The following BMPR1A variants were observed in gnomAD, a reference collection of about 807,000 sequenced individuals.
The protein encoded by BMPR1A is bone morphogenetic protein receptor type-1A.
BMPR1A carries 7 observed loss-of-function variants against 66.0 expected under a neutral mutation model. The ratio of observed to expected loss-of-function variants is 0.11; its 90% CI spans 0.06 to 0.20. The LOEUF is 0.20. Ranked by LOEUF, BMPR1A falls within the 10% of genes least tolerant of loss-of-function variation. BMPR1A has a pLI of 1.00. For missense variants in BMPR1A, 408 were observed against 669.1 expected (o/e 0.61, Z 4.31); for synonymous variants, 200 against 229.7 (o/e 0.87, Z 1.17).
intron 1 of BMPR1A, among the ~76,000 whole-genome samples, chr10:86,766,603 A>G (rs1841166189): frequency 6.7e-6 from 1 of 148,416 alleles, no homozygotes; most frequent in Non-Finnish European, 1.5e-5. Context: ...TCCTCCCAAC[A>G]TAATCATATC....
At chr10:86,909,600 A>G (rs975720665) in intron 7 of BMPR1A, among the ~76,000 whole-genome samples, 1 of 139,078 alleles carries the variant, frequency 7.2e-6, no homozygotes, top group Non-Finnish European at 1.5e-5. Context: ...AAAAAAAAAG[A>G]AAAAAAAGAA....
rs1309900874 is a variant in BMPR1A at position 86,887,616 on chromosome 10, G to A, written c.68-2446G>A. ...GTAACTTATCTGTGCCCGTAACTGCGACTTGAACCCTTCACTTCTTGCTGT... is the reference window on the plus strand; with the variant it reads ...GTAACTTATCTGTGCCCGTAACTGCAACTTGAACCCTTCACTTCTTGCTGT... On this transcript the variant is annotated intron_variant, in intron 3 of 12. Transcript: ENST00000372037. Among the ~76,000 whole-genome samples, 14 of 152,218 alleles carry A rather than the reference G, an allele frequency of 9.2e-5. 1 individual carries two copies. In the South Asian group the frequency reaches 1.9e-3, roughly 20 times the overall value.
Position 86,866,860 on chromosome 10 carries a change from A to T in BMPR1A, c.-152-9007A>T, listed in dbSNP as rs939935224. On this transcript the variant is annotated intron_variant, in intron 2 of 12. Coordinates refer to ENST00000372037, the MANE Select transcript of BMPR1A (RefSeq NM_004329.3). ...TTTGTCATATATACTAGCTACATGG[A>T]ATTCAGCAAGTTATTTATCTCCTTG... is the stretch of plus-strand genomic sequence containing the variant. Among the ~76,000 whole-genome samples the T allele has an allele frequency of 7.1e-4, 108 of 152,150 alleles. 4 individuals are homozygous for T. Among genetic ancestry groups the T allele is most frequent in the Non-Finnish European group, 1.5e-5 (1 of 68,028 alleles).
chr10:86,852,551 G>A (rs991096562), intron 2 of BMPR1A, among the ~76,000 whole-genome samples: 24 of 152,186 alleles, frequency 1.6e-4, no homozygotes, highest in African/African-American at 5.5e-4. Flanking sequence ...GGACTACAGA[G>A]CGCAAGACCT....
At position 86,845,244 on chromosome 10, in the gene BMPR1A, G is replaced by T. The variant is rs980658221; in HGVS notation, c.-153+6265G>T. The stretch of plus-strand genomic sequence containing the variant: ...GAATGGGAAAAGTGAGACAGAGAAG[G>T]GAGTGAAGTTTCATTAAGTGGGTGA... On this transcript the variant is annotated intron_variant, in intron 2 of 12. Transcript: ENST00000372037. Among the ~76,000 whole-genome samples the T allele has an allele frequency of 7.2e-5, 11 of 152,322 alleles. No individual in the cohort carries two copies. The South Asian group carries it at 2.1e-3, about 29-fold the overall frequency.
At chr10:86,898,836 T>C (rs1349118323) in intron 5 of BMPR1A, among the ~76,000 whole-genome samples, 2 of 152,184 alleles carry the variant, frequency 1.3e-5, no homozygotes, top group Non-Finnish European at 2.9e-5. Flanking sequence ...TATTTCAGAC[T>C]CTCCAGTTTA....
chr10:86,790,865 A>G (rs1162464577), intron 1 of BMPR1A, among the ~76,000 whole-genome samples: 2 of 152,234 alleles, frequency 1.3e-5, no homozygotes, highest in Non-Finnish European at 2.9e-5. Context: ...GAATTTTATT[A>G]TACGTCAATT....
At chr10:86,866,367 T>TA (rs1039844090) in intron 2 of BMPR1A, among the ~76,000 whole-genome samples, 12 of 151,330 alleles carry the variant, frequency 7.9e-5, no homozygotes, top group Non-Finnish European at 1.8e-4. Context: ...ACCTGCCACT[T>TA]ACTGGTTGTG....
At chr10:86,844,026 G>C (rs1267522721) in intron 2 of BMPR1A, among the ~76,000 whole-genome samples, 1 of 152,196 alleles carries the variant, frequency 6.6e-6, no homozygotes, top group Non-Finnish European at 1.5e-5. Flanking sequence ...CCTGAATTTT[G>C]AGCCTGGATG....
At position 86,912,271 on chromosome 10, in the gene BMPR1A, C is replaced by T. The variant is rs879254272; in HGVS notation, c.562C>T (p.Arg188Cys). ...TTGCAAGAGCATCTCAAGCAGACGT[C>T]GTTACAATCGTGATTTGGAACAGGA... Reference protein sequence around the residue: ...HYCKSISSRRRYNRDLEQDEA... With the variant: ...HYCKSISSRRCYNRDLEQDEA... The change falls in exon 8 of 13, where the codon CGT becomes TGT. Residue 188 changes from arginine (R) to cysteine (C), a missense_variant. By Grantham distance (180) the Arg-to-Cys change is radical. This residue lies in a region of BMPR1A where 174 missense variants were observed against 265.1 expected (regional missense o/e 0.66). Transcript: ENST00000372037. The T allele has an allele frequency of 1.4e-5, 23 of 1,613,616 alleles. No individual in the cohort carries two copies. The highest frequency in any genetic ancestry group is 2.2e-5 in the South Asian group (2 of 91,060).
chr10:86,844,092 AAATGTAGAGAAAC>A (rs1158347339), intron 2 of BMPR1A, among the ~76,000 whole-genome samples: 11 of 152,290 alleles, frequency 7.2e-5, no homozygotes, highest in Non-Finnish European at 1.3e-4. Context: ...CTACTTTTCT[AAATGTAGAGAAAC>A]ATTAAAATTT....
intron 2 of BMPR1A, among the ~76,000 whole-genome samples, chr10:86,845,649 C>G (rs181067464): frequency 2.9e-3 from 435 of 152,206 alleles, no homozygotes; most frequent in Middle Eastern, 6.8e-3. Context: ...CCCTCATGCC[C>G]CATTAGATCT....
intron 3 of BMPR1A, among the ~76,000 whole-genome samples, chr10:86,882,399 G>A (rs1194959466): frequency 6.6e-6 from 1 of 152,056 alleles, no homozygotes; most frequent in Middle Eastern, 3.4e-3. Context: ...CTCCAGCCTG[G>A]GCAACAGAGT....
chr10:86,883,095 A>T (rs1338256088), intron 3 of BMPR1A, among the ~76,000 whole-genome samples: 1 of 152,216 alleles, frequency 6.6e-6, no homozygotes, highest in Non-Finnish European at 1.5e-5. Flanking sequence ...GTATCAACTG[A>T]TGACCAAGGC....
intron 1 of BMPR1A, among the ~76,000 whole-genome samples, chr10:86,798,100 G>A (rs1457222996): frequency 6.6e-6 from 1 of 152,028 alleles, no homozygotes; most frequent in African/African-American, 2.4e-5. Flanking sequence ...TTCATTTAAG[G>A]TCATGGATGT....
chr10:86,927,704 A>G lies in BMPR1A; in HGVS notation c.*3985A>G, dbSNP rs1843763088. The G allele has an allele frequency of 1.0e-5, 2 of 198,452 alleles. No homozygotes were observed. The highest frequency in any genetic ancestry group is 4.6e-5 in the African/African-American group (2 of 43,414). 12.3% of individuals were successfully genotyped at this position (198,452 alleles called of 1,614,324 possible). On this transcript the variant is annotated 3_prime_UTR_variant, in exon 13 of 13. Transcript: ENST00000372037. ...CCATTTAAAAACTAAAATGTAGTAT[A>G]TATTGTATAAAATGGAAATATCATT... is the stretch of plus-strand genomic sequence containing the variant.
intron 7 of BMPR1A, among the ~76,000 whole-genome samples, chr10:86,904,561 A>AC (rs1481669000): frequency 6.6e-6 from 1 of 152,142 alleles, no homozygotes; most frequent in African/African-American, 2.4e-5. Flanking sequence ...ACTTGAAAGA[A>AC]CCCCGCCCCC....
At chr10:86,901,812 T>C (rs545221175) in intron 7 of BMPR1A, among the ~76,000 whole-genome samples, 1 of 152,282 alleles carries the variant, frequency 6.6e-6, no homozygotes, top group Non-Finnish European at 1.5e-5. Flanking sequence ...AAATACTTTT[T>C]TTATACATTG....
rs1841775075 is a variant in BMPR1A, at chr10:86,799,457, T to TCTTCCTTCCTTTCTTC, written c.-267-39396_-267-39381dup. On this transcript the variant is annotated intron_variant, in intron 1 of 12. Coordinates refer to ENST00000372037, the MANE Select transcript of BMPR1A (RefSeq NM_004329.3). ...TTCATGAGTAATTGTACATTTTCTTTCTTCCTTCCTTTCTTCCTTCCTTCC... is the reference window on the plus strand; with the variant it reads ...TTCATGAGTAATTGTACATTTTCTTTCTTCCTTCCTTTCTTCCTTCCTTCCTTTCTTCCTTCCTTCC... Among the ~76,000 whole-genome samples, 3 of 144,230 alleles carry TCTTCCTTCCTTTCTTC rather than the reference T, an allele frequency of 2.1e-5. 1 individual carries two copies. In the South Asian group the frequency reaches 6.7e-4, roughly 32 times the overall value. 94.6% of individuals were successfully genotyped at this position (144,230 alleles called of 152,430 possible). A position where few individuals can be genotyped will look rare whatever the true frequency, so the allele number is the denominator to read the frequency against.
Sources: allele counts gnomAD v4.1 joint callset (sites outside exome capture counted in the v4.1 genomes callset), GRCh38; gene constraint gnomAD v4.1.1; regional missense constraint gnomAD v4.1.1; transcripts MANE v1.5; gene names NCBI Gene and HGNC (gene_info 2026-07-23, HGNC 2026-07-21).